Variants in NME7 observed in about 807,000 individuals in gnomAD.
The protein encoded by NME7 is NME/NM23 family member 7, also known as nucleoside diphosphate kinase 7.
A neutral mutation model predicts 49.1 loss-of-function variants in NME7; 41 were observed. That is an observed-to-expected ratio of 0.83 (90% CI 0.65 to 1.08). NME7 has a LOEUF of 1.08. NME7 is among the 50% of genes least tolerant of loss of function. The probability of loss-of-function intolerance (pLI) is 0.00; values close to 1 mark genes in which losing one functional copy is unlikely to be tolerated. For missense variants in NME7, 423 were observed against 463.4 expected, an observed-to-expected ratio of 0.91 and a Z score of 0.80; for synonymous variants, 139 against 150.6, an observed-to-expected ratio of 0.92 and a Z score of 0.56.
intron 3 of NME7, among the ~76,000 whole-genome samples, chr1:169,315,930 C>A (rs1410046310): frequency 3.3e-5 from 5 of 151,758 alleles, no homozygotes; most frequent in African/African-American, 1.2e-4. Context: ...TCTGTAACTA[C>A]TAATAGCAGA....
intron 1 of NME7, among the ~76,000 whole-genome samples, chr1:169,349,128 A>G (rs1410747332): frequency 1.3e-5 from 2 of 152,074 alleles, no homozygotes; most frequent in African/African-American, 2.4e-5. Flanking sequence ...TTAAAGAATA[A>G]GTTAATAAGT....
chr1:169,367,617 G>A (rs1324224772), intron 1 of NME7, 91 bp downstream of exon 1: 4 of 1,464,872 alleles, frequency 2.7e-6, no homozygotes, highest in South Asian at 1.1e-5. Context: ...CGGGAGGACC[G>A]GACAACTTTA....
chr1:169,200,806 C>T (rs1011202354), intron 10 of NME7, among the ~76,000 whole-genome samples: 52 of 152,300 alleles, frequency 3.4e-4, no homozygotes, highest in Non-Finnish European at 4.7e-4. Context: ...GACCCACCCT[C>T]ATGTTTCCCT....
chr1:169,299,514 T>C (rs1472654456), intron 5 of NME7, among the ~76,000 whole-genome samples: 1 of 152,152 alleles, frequency 6.6e-6, no homozygotes, highest in Non-Finnish European at 1.5e-5. Context: ...CCTCTGACTA[T>C]ATTAAGCAGG....
intron 11 of NME7, chr1:169,169,000 G>GGTAT: frequency 2.3e-6 from 1 of 430,050 alleles, no homozygotes; most frequent in South Asian, 1.7e-5. Context: ...TTATGGTGAT[G>GGTAT]GTATAGTCAC....
chr1:169,256,708 G>A (rs1302571709), intron 7 of NME7, among the ~76,000 whole-genome samples: 3 of 122,920 alleles, frequency 2.4e-5, no homozygotes, highest in South Asian at 2.6e-4. Context: ...TCTACTTTTG[G>A]TCTTTGATGA....
chr1:169,341,317 T>C (rs1652691819), intron 1 of NME7, among the ~76,000 whole-genome samples: 1 of 152,080 alleles, frequency 6.6e-6, no homozygotes, highest in Non-Finnish European at 1.5e-5. Flanking sequence ...ACACATGGTG[T>C]TGGGATTGCA....
chr1:169,349,357 G>A (rs1653068236), intron 1 of NME7, among the ~76,000 whole-genome samples: 1 of 152,024 alleles, frequency 6.6e-6, no homozygotes, highest in Admixed American at 6.6e-5. Flanking sequence ...TCTGGGGTGG[G>A]GGGGTTATCC....
rs769956018 is a variant in NME7 at position 169,287,359 on chromosome 1, G to T, written c.698C>A (p.Thr233Asn). 14 of 1,609,402 alleles carry T rather than the reference G, an allele frequency of 8.7e-6. No homozygotes were observed. The Admixed American group carries it at 1.5e-4, about 17-fold the overall frequency. The change falls in exon 7 of 12, where the codon ACT (threonine) becomes AAT (asparagine). Residue 233 changes from threonine (T) to asparagine (N), a missense_variant. By Grantham distance (65) the Thr-to-Asn change is moderately conservative (BLOSUM62 0). Transcript: ENST00000367811. ...PSSGGCGPAN[T>N]AKFTNCTCCI... ...ACAGGTACAATTAGTAAATTTAGCA[G>T]TGTTTGCCGGCCCACAACCTCCACT...
chr1:169,312,478 C>T (rs1338063853), intron 3 of NME7, among the ~76,000 whole-genome samples: 4 of 152,102 alleles, frequency 2.6e-5, no homozygotes, highest in African/African-American at 7.2e-5. Context: ...TAAGATGCAG[C>T]GTGAGATATT....
At chr1:169,367,091 C>G (rs1653895356) in intron 1 of NME7, among the ~76,000 whole-genome samples, 1 of 151,290 alleles carries the variant, frequency 6.6e-6, no homozygotes, top group Non-Finnish European at 1.5e-5. Flanking sequence ...GGGTGAAGCC[C>G]AAACAGTGAA....
chr1:169,348,869 A>G (rs988173134), intron 1 of NME7, among the ~76,000 whole-genome samples: 4 of 146,244 alleles, frequency 2.7e-5, no homozygotes, highest in Non-Finnish European at 6.0e-5. Context: ...TTCTATAGCT[A>G]CATAAAAGCA....
intron 11 of NME7, among the ~76,000 whole-genome samples, chr1:169,145,476 A>G (rs1658721309): frequency 6.6e-6 from 1 of 152,186 alleles, no homozygotes; most frequent in African/African-American, 2.4e-5. Context: ...TTATAGAAGC[A>G]CAGTGGGAGG....
chr1:169,211,955 T>C lies in NME7; in HGVS notation c.990+18763A>G, dbSNP rs146253454. 7.6e-4 allele frequency among the ~76,000 whole-genome samples: 116 copies of C among 152,272 alleles called. 2 individuals carry two copies. In the East Asian group the frequency reaches 0.021, roughly 27 times the overall value. On this transcript the variant is annotated intron_variant, in intron 10 of 11. Coordinates refer to ENST00000367811, the MANE Select transcript of NME7 (RefSeq NM_013330.5). Reference sequence around the variant, plus strand: ...TACAGTAGTTTAATGTCAACTGCTGTTTGTTACTCTCTTACTAGGTTGCAA... The same window carrying C: ...TACAGTAGTTTAATGTCAACTGCTGCTTGTTACTCTCTTACTAGGTTGCAA...
At chr1:169,163,316 C>T (rs12564596) in intron 11 of NME7, among the ~76,000 whole-genome samples, 56,083 of 151,330 alleles carry the variant, frequency 0.37, 10,938 homozygotes, top group East Asian at 0.73. Flanking sequence ...GTATGAGTAA[C>T]GTATGCCATA....
chr1:169,278,984 G>A lies in NME7; in HGVS notation c.754+8319C>T, dbSNP rs941547558. ...TGTTTGCCTGGGTATCAGCAGCGGT[G>A]TCTGCAGAACAGTGGATTTTCATGA... On this transcript the variant is annotated intron_variant, in intron 7 of 11. Transcript: ENST00000367811. Among the ~76,000 whole-genome samples, 7 of 152,290 alleles carry A rather than the reference G, an allele frequency of 4.6e-5. No individual in the cohort carries two copies. The East Asian group carries it at 1.2e-3, about 25-fold the overall frequency.
chr1:169,137,822 TAGAA>T lies in NME7; in HGVS notation c.1099-5009_1099-5006del, dbSNP rs1326806803. Among the ~76,000 whole-genome samples, 3 of 152,200 alleles carry T rather than the reference TAGAA, an allele frequency of 2.0e-5. No homozygotes were observed. In the East Asian group the frequency reaches 5.8e-4, roughly 29 times the overall value. ...CTCAGAGGAAACATTCAAACCTTGATAGAAAGGAGATGAAAAATCCATCCTTGCC... is the reference window on the plus strand; with the variant it reads ...CTCAGAGGAAACATTCAAACCTTGATAGGAGATGAAAAATCCATCCTTGCC... On this transcript the variant is annotated intron_variant, in intron 11 of 11. Transcript: ENST00000367811.
chr1:169,213,624 T>C (rs1228498611), intron 10 of NME7, among the ~76,000 whole-genome samples: 1 of 152,104 alleles, frequency 6.6e-6, no homozygotes, highest in African/African-American at 2.4e-5. Context: ...TATAACCAAC[T>C]AATCTTTAAA....
chr1:169,327,376 T>C (rs1652096650), intron 1 of NME7, among the ~76,000 whole-genome samples: 1 of 152,240 alleles, frequency 6.6e-6, no homozygotes, highest in Non-Finnish European at 1.5e-5. Context: ...ACATTTTAAA[T>C]ATAAGTTATA....
Sources: allele counts gnomAD v4.1 joint callset (sites outside exome capture counted in the v4.1 genomes callset), GRCh38; gene constraint gnomAD v4.1.1; transcripts MANE v1.5; gene names NCBI Gene and HGNC (gene_info 2026-07-23, HGNC 2026-07-21).